The following EEF1AKMT1 variants were observed in gnomAD, a reference collection of about 807,000 sequenced individuals.
The protein encoded by EEF1AKMT1 is EEF1A lysine methyltransferase 1.
In EEF1AKMT1, 18 loss-of-function variants were observed where a neutral mutation model predicts 21.0. That is an observed-to-expected ratio of 0.86 (90% CI 0.59 to 1.27). EEF1AKMT1 has a LOEUF of 1.27. Ranked by LOEUF, EEF1AKMT1 falls within the 50% of genes most tolerant of loss-of-function variation. The probability of loss-of-function intolerance (pLI) is 0.00; values close to 1 mark genes in which losing one functional copy is unlikely to be tolerated. For missense variants in EEF1AKMT1, 246 were observed against 258.6 expected (o/e 0.95, Z 0.33); for synonymous variants, 109 against 94.8 (o/e 1.15, Z -0.87).
intron 3 of EEF1AKMT1, among the ~76,000 whole-genome samples, chr13:20,733,544 C>T (rs2058809998): frequency 6.6e-6 from 1 of 152,104 alleles, no homozygotes; most frequent in Non-Finnish European, 1.5e-5. Flanking sequence ...AGTTCTGTGG[C>T]CATTTAAAAA....
intron 2 of EEF1AKMT1, among the ~76,000 whole-genome samples, chr13:20,740,393 C>CT (rs1391305531): frequency 1.3e-5 from 2 of 152,274 alleles, no homozygotes; most frequent in Non-Finnish European, 2.9e-5. Flanking sequence ...CAGCAGCAGG[C>CT]TGAAGGGCTC....
At chr13:20,773,561 T>C (rs574295471) in intron 1 of EEF1AKMT1, among the ~76,000 whole-genome samples, 1 of 152,356 alleles carries the variant, frequency 6.6e-6, no homozygotes, top group East Asian at 1.9e-4. Flanking sequence ...GGCCGAGTCC[T>C]GTTTCTACTC....
chr13:20,733,470 T>G (rs1330857358), intron 3 of EEF1AKMT1, among the ~76,000 whole-genome samples: 1 of 152,192 alleles, frequency 6.6e-6, no homozygotes, highest in African/African-American at 2.4e-5. Context: ...AACATCTGCC[T>G]GCCTTGACCT....
At chr13:20,767,930 G>GT (rs1296224647) in intron 1 of EEF1AKMT1, among the ~76,000 whole-genome samples, 1 of 152,178 alleles carries the variant, frequency 6.6e-6, no homozygotes, top group African/African-American at 2.4e-5. Flanking sequence ...CCCATACAGT[G>GT]TAATTTTCAC....
intron 2 of EEF1AKMT1, among the ~76,000 whole-genome samples, chr13:20,743,703 G>A (rs563660511): frequency 6.9e-6 from 1 of 144,878 alleles, no homozygotes; most frequent in African/African-American, 2.6e-5. Flanking sequence ...TTTAAGTTCT[G>A]GGATACATGT....
At chr13:20,744,721 C>A (rs1318422673) in intron 2 of EEF1AKMT1, among the ~76,000 whole-genome samples, 1 of 152,162 alleles carries the variant, frequency 6.6e-6, no homozygotes. Context: ...GCTTTTGTTG[C>A]CATTGCTTTT....
At chr13:20,771,606 C>G (rs756659271) in intron 1 of EEF1AKMT1, among the ~76,000 whole-genome samples, 2 of 152,162 alleles carry the variant, frequency 1.3e-5, no homozygotes, top group Non-Finnish European at 2.9e-5. Flanking sequence ...GCATAGGGGG[C>G]TGCAATTTTA....
At chr13:20,748,158 C>G (rs1360803238) in intron 2 of EEF1AKMT1, 1 of 152,952 alleles carries the variant, frequency 6.5e-6, no homozygotes, top group Non-Finnish European at 1.5e-5. Flanking sequence ...AAAAGCAGGC[C>G]GGGCGCAGTG....
intron 1 of EEF1AKMT1, among the ~76,000 whole-genome samples, chr13:20,773,456 C>T (rs2059073291): frequency 6.6e-6 from 1 of 152,236 alleles, no homozygotes; most frequent in East Asian, 1.9e-4. Flanking sequence ...CGACAGGCGC[C>T]GCGGGTGCCC....
intron 2 of EEF1AKMT1, among the ~76,000 whole-genome samples, chr13:20,752,033 G>T (rs910522422): frequency 6.6e-6 from 1 of 152,082 alleles, no homozygotes; most frequent in Non-Finnish European, 1.5e-5. Context: ...AGATCTAAAA[G>T]TTTTTTCCTG....
intron 1 of EEF1AKMT1, among the ~76,000 whole-genome samples, chr13:20,767,305 CAAAAAAAAAAAAA>C (rs61703956): frequency 2.5e-5 from 1 of 40,348 alleles, no homozygotes; most frequent in Non-Finnish European, 5.1e-5. Context: ...GATTCTGTCT[CAAAAAAAAAAAAA>C]AAAAAAAAAA....
At chr13:20,740,320 C>T (rs1397263313) in intron 2 of EEF1AKMT1, among the ~76,000 whole-genome samples, 4 of 152,252 alleles carry the variant, frequency 2.6e-5, no homozygotes, top group African/African-American at 9.6e-5. Flanking sequence ...CCCTCCACAC[C>T]TCCCTGCAAG....
At chr13:20,757,405 G>C in intron 2 of EEF1AKMT1, 50 bp downstream of exon 2, 1 of 1,603,232 alleles carries the variant, frequency 6.2e-7, no homozygotes, top group Non-Finnish European at 8.5e-7. Flanking sequence ...AATGCACAGA[G>C]TAGGTTCCAC....
intron 2 of EEF1AKMT1, among the ~76,000 whole-genome samples, chr13:20,738,256 C>T (rs59980644): frequency 0.069 from 10,508 of 152,256 alleles, 1,092 homozygotes; most frequent in African/African-American, 0.22. Context: ...AGACTGTGCT[C>T]CTTGCCCACA....
intron 1 of EEF1AKMT1, among the ~76,000 whole-genome samples, chr13:20,760,560 G>T (rs1055946365): frequency 1.3e-5 from 2 of 152,000 alleles, no homozygotes; most frequent in African/African-American, 4.8e-5. Context: ...AAGAGTGGGG[G>T]AAGGATTGAA....
At chr13:20,730,070 C>T (rs1360660021) in intron 4 of EEF1AKMT1, among the ~76,000 whole-genome samples, 1 of 152,238 alleles carries the variant, frequency 6.6e-6, no homozygotes, top group Admixed American at 6.5e-5. Flanking sequence ...CCCCTCAGGT[C>T]CCTGGGGCAA....
At chr13:20,739,404 C>T (rs554520891) in intron 2 of EEF1AKMT1, among the ~76,000 whole-genome samples, 168 of 152,298 alleles carry the variant, frequency 1.1e-3, no homozygotes, top group African/African-American at 3.6e-3. Flanking sequence ...ACCCCACCCA[C>T]ATCCTGCTGA....
chr13:20,757,352 G>A, intron 2 of EEF1AKMT1, 103 bp downstream of exon 2: 1 of 1,354,796 alleles, frequency 7.4e-7, no homozygotes, highest in Non-Finnish European at 1.0e-6. Flanking sequence ...AATGACAGGT[G>A]ACAGAGATTC....
chr13:20,757,060 G>A (rs1350930080), intron 2 of EEF1AKMT1, among the ~76,000 whole-genome samples: 1 of 152,118 alleles, frequency 6.6e-6, no homozygotes, highest in Non-Finnish European at 1.5e-5. Context: ...GGGAACCGCC[G>A]AACGTGGGTA....
Sources: gnomAD v4.1 joint callset for allele counts (sites outside exome capture counted in the v4.1 genomes callset) on GRCh38, gnomAD v4.1.1 for gene constraint, MANE v1.5 for transcripts, NCBI Gene and HGNC (gene_info 2026-07-23, HGNC 2026-07-21) for gene names.